The following SH3BGRL2 variants were observed in gnomAD, a reference collection of about 807,000 sequenced individuals.
The protein encoded by SH3BGRL2 is SH3 domain-binding glutamic acid-rich-like protein 2.
In SH3BGRL2, 21 loss-of-function variants were observed where a neutral mutation model predicts 14.8. The observed-to-expected ratio is 1.42, with a 90% CI of 1.01 to 2.05. The LOEUF (loss-of-function observed/expected upper bound fraction) is 2.05. Among genes scored for constraint, SH3BGRL2 ranks in the 30% most tolerant of loss-of-function variants. The pLI is 0.00. For missense variants in SH3BGRL2, 147 were observed against 130.8 expected, an observed-to-expected ratio of 1.12 and a Z score of -0.61; for synonymous variants, 50 against 47.8, an observed-to-expected ratio of 1.05 and a Z score of -0.19.
the SH3BGRL2 span, among the ~76,000 whole-genome samples, chr6:79,583,456 A>G: frequency 6.6e-6 from 1 of 152,368 alleles, no homozygotes; most frequent in South Asian, 2.1e-4. Flanking sequence ...GCAGCCATAA[A>G]AAAGATGAGT....
chr6:79,630,923 G>C (rs577908801), upstream of SH3BGRL2, among the ~76,000 whole-genome samples: 3 of 152,158 alleles, frequency 2.0e-5, no homozygotes, highest in Admixed American at 6.5e-5. Flanking sequence ...GGGTTTGCCC[G>C]GTACGCCAGC....
In SH3BGRL2 at chr6:79,679,358, A is replaced by T. The variant is rs544928364; in HGVS notation, c.231+5559A>T. 2.7e-5 allele frequency among the ~76,000 whole-genome samples: 4 copies of T among 149,808 alleles called. No homozygotes were observed. The East Asian group carries it at 7.9e-4, about 29-fold the overall frequency. On this transcript the variant is annotated intron_variant, in intron 2 of 3. Transcript: ENST00000369838. ...GGTTTTGATTTGCATTTCTCTGATG[A>T]TTAGTAATGATGAACATTTTTTTTT...
rs928408360 is a variant in SH3BGRL2 at position 79,673,486 on chromosome 6, C to T, written c.46-128C>T. ...TTCCACTGGATATCTAGTGAGTGGA[C>T]AGTGCATGACACCTACATAAATCAC... On this transcript the variant is annotated intron_variant, in intron 1 of 3. Coordinates refer to ENST00000369838, the MANE Select transcript of SH3BGRL2 (RefSeq NM_031469.4). 4 of 812,244 alleles carry T rather than the reference C, an allele frequency of 4.9e-6. No homozygotes were observed. In the Admixed American group the frequency reaches 8.4e-5, roughly 17 times the overall value. 50.3% of individuals were successfully genotyped at this position (812,244 alleles called of 1,614,324 possible).
At position 79,631,428 on chromosome 6, in the gene SH3BGRL2, G is replaced by C. The variant is rs1396880137; in HGVS notation, c.-34G>C. 1 of 1,508,890 alleles carries C rather than the reference G, an allele frequency of 6.6e-7. No homozygotes were observed. The highest frequency in any genetic ancestry group is 8.9e-7 in the Non-Finnish European group (1 of 1,128,078). The allele number at this position is 1,508,890 out of a possible 1,614,324, so 93.5% of individuals were successfully genotyped here. Reference sequence around the variant, plus strand: ...GCGTCCACGCCAGCCCGGAGCCCGGGGGGCAAGGGGTCTGTCCCGGGCGCA... The same window carrying C: ...GCGTCCACGCCAGCCCGGAGCCCGGCGGGCAAGGGGTCTGTCCCGGGCGCA... On this transcript the variant is annotated 5_prime_UTR_variant, in exon 1 of 4. Transcript: ENST00000369838.
chr6:79,691,918 G>A (rs1324502326), intron 2 of SH3BGRL2, among the ~76,000 whole-genome samples: 3 of 151,858 alleles, frequency 2.0e-5, no homozygotes, highest in African/African-American at 7.3e-5. Flanking sequence ...CTAGATCCCT[G>A]AGGAATTGCC....
the SH3BGRL2 span, among the ~76,000 whole-genome samples, chr6:79,583,916 G>A: frequency 2.0e-5 from 3 of 152,156 alleles, no homozygotes; most frequent in Admixed American, 6.5e-5. Context: ...TGTGGGTATT[G>A]CTGGTCTTCA....
At chr6:79,546,949 G>A in the SH3BGRL2 span, among the ~76,000 whole-genome samples, 4 of 152,120 alleles carry the variant, frequency 2.6e-5, no homozygotes, top group Non-Finnish European at 5.9e-5. Flanking sequence ...CAAAGTGCTG[G>A]GACCACAGGC....
At chr6:79,538,125 G>A in the SH3BGRL2 span, among the ~76,000 whole-genome samples, 7 of 119,478 alleles carry the variant, frequency 5.9e-5, no homozygotes, top group South Asian at 1.7e-3. Flanking sequence ...TTTAGAAATG[G>A]CATTAATTGC....
At chr6:79,643,993 C>T (rs553858028) in intron 1 of SH3BGRL2, among the ~76,000 whole-genome samples, 20 of 152,116 alleles carry the variant, frequency 1.3e-4, no homozygotes, top group Admixed American at 9.8e-4. Context: ...ATAGGTAATA[C>T]GGGGAAAGAA....
At chr6:79,602,927 G>C in the SH3BGRL2 span, among the ~76,000 whole-genome samples, 1 of 152,156 alleles carries the variant, frequency 6.6e-6, no homozygotes, top group Non-Finnish European at 1.5e-5. Flanking sequence ...CTGAGACAGA[G>C]TGGTTAGTAG....
intron 1 of SH3BGRL2, among the ~76,000 whole-genome samples, chr6:79,670,657 C>T (rs191472790): frequency 6.6e-6 from 1 of 152,228 alleles, no homozygotes; most frequent in East Asian, 1.9e-4. Flanking sequence ...AGTGGCGTAA[C>T]TTATTAAGGG....
chr6:79,663,842 G>A (rs559872985), intron 1 of SH3BGRL2, among the ~76,000 whole-genome samples: 34 of 152,282 alleles, frequency 2.2e-4, no homozygotes, highest in Admixed American at 2.0e-3. Context: ...GCTTCCTGGT[G>A]GCTTTGTTTA....
intron 3 of SH3BGRL2, among the ~76,000 whole-genome samples, chr6:79,699,140 G>A (rs1770395162): frequency 6.6e-6 from 1 of 152,136 alleles, no homozygotes; most frequent in Non-Finnish European, 1.5e-5. Context: ...TTCTAGAGTG[G>A]TTCTTCATCT....
At chr6:79,554,915 T>C in the SH3BGRL2 span, among the ~76,000 whole-genome samples, 1 of 147,988 alleles carries the variant, frequency 6.8e-6, no homozygotes, top group South Asian at 2.2e-4. Flanking sequence ...AATATTATTA[T>C]ATGCACAAAT....
At chr6:79,697,190 T>C (rs1770349667) in intron 3 of SH3BGRL2, among the ~76,000 whole-genome samples, 1 of 152,178 alleles carries the variant, frequency 6.6e-6, no homozygotes, top group Non-Finnish European at 1.5e-5. Context: ...TATTTTGATA[T>C]TATTTCTTTT....
chr6:79,684,129 C>A (rs146232340), intron 2 of SH3BGRL2, among the ~76,000 whole-genome samples: 1 of 152,176 alleles, frequency 6.6e-6, no homozygotes, highest in African/African-American at 2.4e-5. Flanking sequence ...GCTACATCTA[C>A]TATATGATAC....
intron 1 of SH3BGRL2, among the ~76,000 whole-genome samples, chr6:79,659,935 C>A (rs567022135): frequency 6.6e-6 from 1 of 150,720 alleles, no homozygotes; most frequent in East Asian, 1.9e-4. Context: ...ATTTGGCTCT[C>A]TGTTTGTCTG....
At chr6:79,571,464 A>G in the SH3BGRL2 span, among the ~76,000 whole-genome samples, 1 of 152,208 alleles carries the variant, frequency 6.6e-6, no homozygotes, top group East Asian at 1.9e-4. Flanking sequence ...AATAACCTAG[A>G]CAGACTTACT....
rs1396808193 is a variant in SH3BGRL2 at position 79,702,283 on chromosome 6, T to G, written c.*2774T>G. The G allele has an allele frequency of 6.6e-6, 1 of 152,664 alleles. No individual in the cohort carries two copies. The highest frequency in any genetic ancestry group is 1.5e-5 in the Non-Finnish European group (1 of 68,044). The allele number at this position is 152,664 out of a possible 1,614,324, so 9.5% of individuals were successfully genotyped here. On this transcript the variant is annotated 3_prime_UTR_variant, in exon 4 of 4. Transcript: ENST00000369838. ...TAAACTTTTTTTTGTCTCCCGTTAT[T>G]GAAAAGTACCAAAGCTTCTTTCTGT...
Sources: gnomAD v4.1 joint callset for allele counts (sites outside exome capture counted in the v4.1 genomes callset) on GRCh38, gnomAD v4.1.1 for gene constraint, MANE v1.5 for transcripts, NCBI Gene and HGNC (gene_info 2026-07-23, HGNC 2026-07-21) for gene names.